The following ZNF69 variants were observed in gnomAD, a reference collection of about 807,000 sequenced individuals.
ZNF69 encodes ZNF3.
ZNF69 carries 47 observed loss-of-function variants against 50.9 expected under a neutral mutation model. The ratio of observed to expected loss-of-function variants is 0.92; its 90% CI spans 0.73 to 1.18. ZNF69 has a LOEUF of 1.18. ZNF69 is among the 50% of genes most tolerant of loss of function. The pLI is 0.00. For synonymous variants in ZNF69, 216 were observed against 223.1 expected (o/e 0.97, Z 0.29); for missense variants, 717 against 675.1 (o/e 1.06, Z -0.69).
chr19:11,927,120 A>G, the ZNF69 span, among the ~76,000 whole-genome samples: 1 of 152,194 alleles, frequency 6.6e-6, no homozygotes, highest in Non-Finnish European at 1.5e-5. Flanking sequence ...TGGGAGGCCA[A>G]GGTGGGAGGA....
intron 4 of ZNF69, chr19:11,913,344 T>C: frequency 3.5e-6 from 2 of 567,268 alleles, no homozygotes; most frequent in South Asian, 2.3e-5. Flanking sequence ...AAATTTTACT[T>C]TTCATGCTTA....
At chr19:11,978,086 C>G in the ZNF69 span, 3 of 1,598,264 alleles carry the variant, frequency 1.9e-6, no homozygotes, top group Admixed American at 1.9e-5. Context: ...ACTCATAAAC[C>G]CTTCATAATG....
At chr19:11,938,772 C>CT in the ZNF69 span, among the ~76,000 whole-genome samples, 1 of 152,172 alleles carries the variant, frequency 6.6e-6, no homozygotes. Flanking sequence ...AATGGTATTT[C>CT]TAGTTCTAGA....
At chr19:11,968,785 C>T in the ZNF69 span, among the ~76,000 whole-genome samples, 2 of 152,064 alleles carry the variant, frequency 1.3e-5, no homozygotes, top group South Asian at 4.2e-4. Flanking sequence ...GTTGGGAGGC[C>T]GAGGCAGGTG....
At chr19:11,903,825 T>C in intron 2 of ZNF69, 80 bp from the exon 3 acceptor site, 10 of 1,605,004 alleles carry the variant, frequency 6.2e-6, no homozygotes, top group Non-Finnish European at 8.5e-6. Context: ...ATGGCTGCAG[T>C]AAATCATGGG....
chr19:11,894,378 G>A (rs769844791), intron 1 of ZNF69, among the ~76,000 whole-genome samples: 1 of 152,122 alleles, frequency 6.6e-6, no homozygotes, highest in Non-Finnish European at 1.5e-5. Context: ...CTGACCTCGT[G>A]ATCCACCCGC....
the ZNF69 span, chr19:11,947,130 C>T: frequency 6.3e-7 from 1 of 1,598,500 alleles, no homozygotes; most frequent in Non-Finnish European, 8.5e-7. Flanking sequence ...GTCTAGGCCT[C>T]CAGTGCTGTC....
chr19:11,900,514 A>G (rs1481597043), intron 1 of ZNF69, among the ~76,000 whole-genome samples: 3 of 151,530 alleles, frequency 2.0e-5, no homozygotes, highest in African/African-American at 4.8e-5. Flanking sequence ...CACCAGGCCC[A>G]GCTAATTTTT....
At chr19:11,977,966 TG>T in the ZNF69 span, 2 of 934,596 alleles carry the variant, frequency 2.1e-6, no homozygotes, top group Admixed American at 5.6e-5. Context: ...TATGTCACCT[TG>T]TAGAACATGT....
the ZNF69 span, among the ~76,000 whole-genome samples, chr19:11,967,485 A>G: frequency 1.3e-5 from 2 of 151,912 alleles, no homozygotes; most frequent in African/African-American, 4.8e-5. Flanking sequence ...GCTCACTGCA[A>G]GCTCCACCTC....
At chr19:11,968,941 A>T in the ZNF69 span, among the ~76,000 whole-genome samples, 1 of 152,222 alleles carries the variant, frequency 6.6e-6, no homozygotes, top group Admixed American at 6.5e-5. Context: ...AACATTTTAC[A>T]AAACACTATA....
chr19:11,979,271 C>T, the ZNF69 span: 2 of 1,612,942 alleles, frequency 1.2e-6, no homozygotes, highest in Non-Finnish European at 8.5e-7. Flanking sequence ...GGAGAGAAAC[C>T]CTATGAGTGT....
the ZNF69 span, among the ~76,000 whole-genome samples, chr19:11,919,527 G>A: frequency 2.6e-5 from 4 of 152,148 alleles, no homozygotes; most frequent in Non-Finnish European, 5.9e-5. Flanking sequence ...GGAGGCCGAG[G>A]CATGAGGATC....
intron 1 of ZNF69, among the ~76,000 whole-genome samples, chr19:11,900,154 A>G (rs1428046724): frequency 6.6e-6 from 1 of 152,016 alleles, no homozygotes; most frequent in Non-Finnish European, 1.5e-5. Context: ...GGGTTTCACC[A>G]TGTTGTCCAG....
chr19:11,972,970 A>G, the ZNF69 span, among the ~76,000 whole-genome samples: 1 of 152,324 alleles, frequency 6.6e-6, no homozygotes, highest in African/African-American at 2.4e-5. Flanking sequence ...TGTGTGTAGT[A>G]TATCCCACAA....
At chr19:11,964,914 G>T in the ZNF69 span, 1 of 422,502 alleles carries the variant, frequency 2.4e-6, no homozygotes, top group South Asian at 2.5e-5. Context: ...GGCTCTGCCG[G>T]GCCTGATACC....
At chr19:11,972,925 CA>C in the ZNF69 span, among the ~76,000 whole-genome samples, 9,554 of 130,252 alleles carry the variant, frequency 0.073, 850 homozygotes, top group African/African-American at 0.23. Context: ...GACCCTGTTT[CA>C]AAAAAAAAAA....
At chr19:11,918,902 T>C (rs1972543396), downstream of ZNF69, among the ~76,000 whole-genome samples, 1 of 151,190 alleles carries the variant, frequency 6.6e-6, no homozygotes, top group African/African-American at 2.4e-5. Context: ...TGTTTTTCTT[T>C]TTTTTTTTTT....
the ZNF69 span, among the ~76,000 whole-genome samples, chr19:11,963,088 A>AGTGTGTGT: frequency 1.2e-3 from 169 of 138,306 alleles, 4 homozygotes; most frequent in South Asian, 0.026. Context: ...AGAGAGAGAG[A>AGTGTGTGT]GTGTGTGTGT....
Sources: gnomAD v4.1 joint callset for allele counts (sites outside exome capture counted in the v4.1 genomes callset) on GRCh38, gnomAD v4.1.1 for gene constraint, MANE v1.5 for transcripts, NCBI Gene and HGNC (gene_info 2026-07-23, HGNC 2026-07-21) for gene names.